Variants in WDR4 observed in about 807,000 individuals in gnomAD.
WDR4 encodes tRNA (guanine-N(7)-)-methyltransferase non-catalytic subunit WDR4.
WDR4 carries 47 observed loss-of-function variants against 48.6 expected under a neutral mutation model. The observed-to-expected ratio is 0.97, with a 90% CI of 0.77 to 1.23. The LOEUF (loss-of-function observed/expected upper bound fraction) is 1.23, where lower values mean the gene tolerates loss of function less well. Among genes scored for constraint, WDR4 ranks in the 50% most tolerant of loss-of-function variants. WDR4 has a pLI of 0.00. For missense variants in WDR4, 606 were observed against 551.6 expected, an observed-to-expected ratio of 1.10 and a Z score of -0.99; for synonymous variants, 268 against 230.0, an observed-to-expected ratio of 1.17 and a Z score of -1.49.
chr21:42,867,023 TCA>T (rs1439153894), intron 3 of WDR4, among the ~76,000 whole-genome samples: 1 of 152,042 alleles, frequency 6.6e-6, no homozygotes. Context: ...CTGCATCAAA[TCA>T]CATGGTCCAT....
chr21:42,891,767 G>T, the WDR4 span, among the ~76,000 whole-genome samples: 1 of 151,802 alleles, frequency 6.6e-6, no homozygotes, highest in Non-Finnish European at 1.5e-5. Flanking sequence ...GACCAGTCTG[G>T]CCAACATGGT....
chr21:42,862,340 G>A lies in WDR4; in HGVS notation c.508C>T (p.Arg170Ter), dbSNP rs372155244. 5 of 1,611,840 alleles carry A rather than the reference G, an allele frequency of 3.1e-6. No individual in the cohort carries two copies. The highest frequency in any genetic ancestry group is 4.5e-5 in the East Asian group (2 of 44,840). ...ILTADRDEKI[R>*]VSWAAAPHSI... ...TGGGGCGCCGCGGCCCAGCTGACTC[G>A]GATCTTCTCGTCCCGGTCGGCAGTG... is the stretch of plus-strand genomic sequence containing the variant. The change falls in exon 5 of 11, where the codon CGA (arginine) becomes TGA (stop). Residue 170 changes from arginine (R) to a stop codon, truncating the protein, a stop_gained. Transcript: ENST00000398208. LOFTEE classifies it high-confidence loss of function. This position sits in a 1 kb window ranked among gnomAD's most constrained non-coding sequence, Gnocchi z 4.3.
At chr21:42,883,640 G>A (rs2058621965), upstream of WDR4, 1 of 153,750 alleles carries the variant, frequency 6.5e-6, no homozygotes, top group African/African-American at 2.4e-5. Context: ...GCCAGATGAA[G>A]ACAGAAACAG....
At chr21:42,863,409 A>G (rs769547942) in intron 4 of WDR4, 31 bp downstream of exon 4, 1 of 1,584,738 alleles carries the variant, frequency 6.3e-7, no homozygotes, top group East Asian at 2.3e-5. Context: ...CACACCTGCC[A>G]TGTCCCCCAC....
Position 42,862,656 on chromosome 21 carries a change from CCCTG to C in WDR4, c.454-266_454-263del, listed in dbSNP as rs373717350. Among the ~76,000 whole-genome samples, 626 of 152,266 alleles carry C rather than the reference CCCTG, an allele frequency of 4.1e-3. 4 individuals are homozygous for C. Among genetic ancestry groups the C allele is most frequent in the African/African-American group, 0.014 (572 of 41,544 alleles). ...GGCTTCTGGGGTGGGGCAGTGCCAC[CCCTG>C]CCTGCCTGTCTCCCGCACCTTGGCA... On this transcript the variant is annotated intron_variant, in intron 4 of 10. Transcript: ENST00000398208. This position sits in a 1 kb window ranked among gnomAD's most constrained non-coding sequence, Gnocchi z 4.3.
chr21:42,843,193 C>T (rs1466636949), exon 12 of WDR4: 1 of 152,180 alleles, frequency 6.6e-6, no homozygotes, highest in South Asian at 2.1e-4. Context: ...GATGGAGCTA[C>T]ATCCGAACAA....
chr21:42,847,037 CA>C (rs10709007), downstream of WDR4, among the ~76,000 whole-genome samples: 128,404 of 148,914 alleles, frequency 0.86, 55,252 homozygotes, highest in Middle Eastern at 0.92. Context: ...GACTCTGTCT[CA>C]AAAAAAAAAA....
chr21:42,849,863 C>A lies in WDR4; in HGVS notation c.*186G>T, dbSNP rs537634270. The stretch of plus-strand genomic sequence containing the variant: ...CCTTCAACCAGAAAGGGGGCACAGG[C>A]ACCCAGCAAGAGCCTGTGCTGGTGA... On this transcript the variant is annotated 3_prime_UTR_variant, in exon 11 of 11. Coordinates refer to ENST00000398208, the MANE Select transcript of WDR4 (RefSeq NM_018669.6). 2.2e-5 allele frequency: 15 copies of A among 670,408 alleles called. No homozygotes were observed. The South Asian group carries it at 2.7e-4, about 12-fold the overall frequency. The allele number at this position is 670,408 out of a possible 1,614,324, so 41.5% of individuals were successfully genotyped here. A position where few individuals can be genotyped will look rare whatever the true frequency, so the allele number is the denominator to read the frequency against.
chr21:42,882,147 G>A (rs897722577), upstream of WDR4, among the ~76,000 whole-genome samples: 1 of 151,488 alleles, frequency 6.6e-6, no homozygotes, highest in Non-Finnish European at 1.5e-5. Flanking sequence ...TGCCCGCCTC[G>A]GCCTCCCAAA....
intron 3 of WDR4, among the ~76,000 whole-genome samples, chr21:42,864,130 A>AG (rs1484412675): frequency 3.6e-4 from 51 of 142,042 alleles, no homozygotes; most frequent in Non-Finnish European, 5.8e-4. Context: ...AAAAAAAAAA[A>AG]GAAAAGAATA....
upstream of WDR4, chr21:42,879,583 G>A: frequency 1.3e-6 from 2 of 1,513,870 alleles, no homozygotes; most frequent in Non-Finnish European, 9.0e-7. Flanking sequence ...CGCAGACGCC[G>A]AGAGATGACG....
At position 42,854,552 on chromosome 21, in the gene WDR4, C is replaced by T. The variant is rs566044049; in HGVS notation, c.791+10G>A. On this transcript the variant is annotated intron_variant, in intron 8 of 10. Coordinates refer to ENST00000398208, the MANE Select transcript of WDR4 (RefSeq NM_018669.6). The stretch of plus-strand genomic sequence containing the variant: ...GAACCGGAGGCCATAGAGGTGCCGC[C>T]GCAGCTTACCCGTCGCACAGGAGCG... 126 of 1,612,264 alleles carry T rather than the reference C, an allele frequency of 7.8e-5. 4 individuals carry two copies. The South Asian group carries it at 1.1e-3, about 15-fold the overall frequency.
intron 3 of WDR4, among the ~76,000 whole-genome samples, chr21:42,865,746 G>C (rs779458193): frequency 1.8e-4 from 28 of 152,038 alleles, no homozygotes; most frequent in Non-Finnish European, 2.2e-4. Flanking sequence ...GCCTGTGCAG[G>C]GTCTCGGGTC....
At chr21:42,847,910 G>A (rs139327127), downstream of WDR4, among the ~76,000 whole-genome samples, 561 of 152,316 alleles carry the variant, frequency 3.7e-3, 2 homozygotes, top group Non-Finnish European at 6.6e-3. Context: ...GACTATGAAT[G>A]AGAAAGCATG....
chr21:42,857,995 G>T (rs1236634), intron 6 of WDR4, among the ~76,000 whole-genome samples: 3 of 151,960 alleles, frequency 2.0e-5, no homozygotes, highest in Admixed American at 2.0e-4. Context: ...GGAGGCCTGA[G>T]GTGGGAGGAT....
chr21:42,845,661 C>T (rs1308142023), downstream of WDR4, among the ~76,000 whole-genome samples: 1 of 152,196 alleles, frequency 6.6e-6, no homozygotes, highest in Non-Finnish European at 1.5e-5. Context: ...CCTTCCAAGT[C>T]GATCATGAGC....
At chr21:42,892,276 CAAAAA>C in the WDR4 span, among the ~76,000 whole-genome samples, 14 of 148,610 alleles carry the variant, frequency 9.4e-5, no homozygotes, top group East Asian at 1.4e-3. Flanking sequence ...AAAATTTAAA[CAAAAA>C]AAAAATCTTT....
the WDR4 span, among the ~76,000 whole-genome samples, chr21:42,891,005 G>C: frequency 1.3e-5 from 2 of 152,040 alleles, no homozygotes; most frequent in Non-Finnish European, 2.9e-5. Flanking sequence ...GTTACCTTTC[G>C]AGGCCCTAAT....
chr21:42,875,776 A>C (rs1038481701), intron 2 of WDR4, among the ~76,000 whole-genome samples: 1 of 152,162 alleles, frequency 6.6e-6, no homozygotes, highest in African/African-American at 2.4e-5. Flanking sequence ...CACCATACGA[A>C]ACACTCACAT....
Sources: allele counts gnomAD v4.1 joint callset (sites outside exome capture counted in the v4.1 genomes callset), GRCh38; gene constraint gnomAD v4.1.1; non-coding constraint Gnocchi (gnomAD v3.1); transcripts MANE v1.5; gene names NCBI Gene and HGNC (gene_info 2026-07-23, HGNC 2026-07-21).